The following LRRC3B variants were observed in gnomAD, a reference collection of about 807,000 sequenced individuals.
The protein encoded by LRRC3B is leucine-rich repeat-containing protein 3B.
A neutral mutation model predicts 12.8 loss-of-function variants in LRRC3B; 2 were observed. The observed-to-expected ratio is 0.16, with a 90% CI of 0.06 to 0.49. The LOEUF is 0.49. Among genes scored for constraint, LRRC3B ranks in the 20% least tolerant of loss-of-function variants. The pLI, the probability that LRRC3B is intolerant of heterozygous loss-of-function variation, is 0.96. For synonymous variants in LRRC3B, 132 were observed against 122.0 expected (o/e 1.08, Z -0.54); for missense variants, 189 against 319.4 (o/e 0.59, Z 3.11).
At chr3:26,687,510 A>G (rs1700111641) in intron 1 of LRRC3B, among the ~76,000 whole-genome samples, 1 of 152,180 alleles carries the variant, frequency 6.6e-6, no homozygotes, top group Non-Finnish European at 1.5e-5. Flanking sequence ...TGAGCATATA[A>G]TTGCTTTTTC....
chr3:26,707,349 G>A (rs1322791147), intron 1 of LRRC3B, among the ~76,000 whole-genome samples: 1 of 152,028 alleles, frequency 6.6e-6, no homozygotes, highest in Admixed American at 6.6e-5. Context: ...CTGGGCAACA[G>A]AGCAAGATTC....
At chr3:26,637,148 C>A (rs538471194) in intron 1 of LRRC3B, among the ~76,000 whole-genome samples, 2 of 151,774 alleles carry the variant, frequency 1.3e-5, no homozygotes, top group South Asian at 4.2e-4. Context: ...AGGCGCCCAC[C>A]ACCATGCCCA....
At chr3:26,710,523 T>G in exon 2 of LRRC3B, 1 of 1,416,336 alleles carries the variant, frequency 7.1e-7, no homozygotes, top group Non-Finnish European at 9.5e-7. Context: ...GTGGTTTACT[T>G]CTCCCATCCA....
At chr3:26,635,426 A>G (rs1698847005) in intron 1 of LRRC3B, among the ~76,000 whole-genome samples, 2 of 152,234 alleles carry the variant, frequency 1.3e-5, no homozygotes, top group Admixed American at 6.5e-5. Context: ...AGATGAAGTC[A>G]TGAAGGTGGG....
At chr3:26,675,176 A>G (rs566350371) in intron 1 of LRRC3B, among the ~76,000 whole-genome samples, 1 of 152,300 alleles carries the variant, frequency 6.6e-6, no homozygotes, top group African/African-American at 2.4e-5. Context: ...GCAGGTAGAT[A>G]CAGGTAGGAG....
intron 1 of LRRC3B, among the ~76,000 whole-genome samples, chr3:26,637,707 C>T (rs915661290): frequency 6.6e-6 from 1 of 152,088 alleles, no homozygotes; most frequent in Non-Finnish European, 1.5e-5. Flanking sequence ...AACCTATGTA[C>T]CCTTTTTCAG....
chr3:26,630,952 G>T (rs568904244), intron 1 of LRRC3B, among the ~76,000 whole-genome samples: 1 of 152,272 alleles, frequency 6.6e-6, no homozygotes, highest in East Asian at 1.9e-4. Flanking sequence ...AGCTCTCTGG[G>T]ATCTTCTAGC....
chr3:26,650,506 C>G (rs969661022), intron 1 of LRRC3B, among the ~76,000 whole-genome samples: 6 of 152,138 alleles, frequency 3.9e-5, no homozygotes, highest in African/African-American at 9.7e-5. Flanking sequence ...GCAGTGGGAA[C>G]AGCACACCCT....
intron 1 of LRRC3B, among the ~76,000 whole-genome samples, chr3:26,673,637 A>C (rs1699798269): frequency 6.6e-6 from 1 of 152,202 alleles, no homozygotes; most frequent in African/African-American, 2.4e-5. Flanking sequence ...AAGTGGAAGC[A>C]GTGCCCTCCA....
chr3:26,653,429 A>C (rs1699306769), intron 1 of LRRC3B, among the ~76,000 whole-genome samples: 1 of 152,184 alleles, frequency 6.6e-6, no homozygotes, highest in Non-Finnish European at 1.5e-5. Context: ...TATACATGTG[A>C]GTTCAGATGA....
intron 1 of LRRC3B, among the ~76,000 whole-genome samples, chr3:26,677,605 A>T (rs927944851): frequency 2.0e-5 from 3 of 152,202 alleles, no homozygotes; most frequent in Non-Finnish European, 4.4e-5. Context: ...AATGGCATAG[A>T]CCTTCGAAGA....
intron 1 of LRRC3B, among the ~76,000 whole-genome samples, chr3:26,669,175 T>C (rs1699669073): frequency 6.6e-6 from 1 of 152,212 alleles, no homozygotes; most frequent in Non-Finnish European, 1.5e-5. Flanking sequence ...GGAGCTCAAC[T>C]ATTTTGTGGA....
intron 1 of LRRC3B, among the ~76,000 whole-genome samples, chr3:26,680,107 TA>T (rs758844162): frequency 5.8e-4 from 89 of 152,282 alleles, no homozygotes; most frequent in Non-Finnish European, 1.0e-3. Flanking sequence ...AGACAGGGCT[TA>T]AAATTCAGTA....
At chr3:26,664,146 C>G (rs7616728) in intron 1 of LRRC3B, among the ~76,000 whole-genome samples, 1 of 151,876 alleles carries the variant, frequency 6.6e-6, no homozygotes, top group South Asian at 2.1e-4. Flanking sequence ...GAACACCAAA[C>G]TATGCATGGT....
chr3:26,645,951 C>A (rs1037881801), intron 1 of LRRC3B, among the ~76,000 whole-genome samples: 1 of 152,124 alleles, frequency 6.6e-6, no homozygotes, highest in Non-Finnish European at 1.5e-5. Flanking sequence ...GAAACTTGAC[C>A]ATTCTGCTGG....
At chr3:26,672,737 A>ATATT (rs1243490478) in intron 1 of LRRC3B, among the ~76,000 whole-genome samples, 1 of 152,240 alleles carries the variant, frequency 6.6e-6, no homozygotes, top group African/African-American at 2.4e-5. Context: ...TGGATTCAGT[A>ATATT]TATTTCATCT....
At chr3:26,625,538 C>T (rs1337291812) in intron 1 of LRRC3B, 1 of 152,258 alleles carries the variant, frequency 6.6e-6, no homozygotes, top group African/African-American at 2.4e-5. Flanking sequence ...GAAACTCGCA[C>T]TCCACGAGAT....
chr3:26,691,105 G>GTATATATATATATATATA lies in LRRC3B; in HGVS notation c.-160-18396_-160-18379dup, dbSNP rs1553605090. On this transcript the variant is annotated intron_variant, in intron 1 of 1. Transcript: ENST00000396641. ...TGTGTGTGTATATGTGTGTGTGTGT[G>GTATATATATATATATATA]TATATATATATATATATATATATAT... Among the ~76,000 whole-genome samples, 121 of 84,794 alleles carry GTATATATATATATATATA rather than the reference G, an allele frequency of 1.4e-3. 1 individual carries two copies. The highest frequency in any genetic ancestry group is 2.0e-3 in the Non-Finnish European group (93 of 45,384). The allele number at this position is 84,794 out of a possible 152,430, so 55.6% of individuals were successfully genotyped here.
chr3:26,704,947 T>C lies in LRRC3B; in HGVS notation c.-160-4566T>C, dbSNP rs375712753. Reference sequence around the variant, plus strand: ...TATTTCCTTTTTAATCAAATTCTGCTGTTTAGTAATAGAGTTGCATAGACT... The same window carrying C: ...TATTTCCTTTTTAATCAAATTCTGCCGTTTAGTAATAGAGTTGCATAGACT... On this transcript the variant is annotated intron_variant, in intron 1 of 1. Transcript: ENST00000396641. Among the ~76,000 whole-genome samples the C allele has an allele frequency of 2.6e-5, 4 of 152,348 alleles. No individual in the cohort carries two copies. In the East Asian group the frequency reaches 7.7e-4, roughly 29 times the overall value.
Sources: gnomAD v4.1 joint callset for allele counts (sites outside exome capture counted in the v4.1 genomes callset) on GRCh38, gnomAD v4.1.1 for gene constraint, MANE v1.5 for transcripts, NCBI Gene and HGNC (gene_info 2026-07-23, HGNC 2026-07-21) for gene names.